Variants in ANKRD36B observed in about 807,000 individuals in gnomAD.
ANKRD36B encodes the protein ankyrin repeat domain 36B, also known as ankyrin repeat domain-containing protein 36B.
Under a neutral mutation model 135.7 loss-of-function variants are expected in ANKRD36B, and 37 were observed. The ratio of observed to expected loss-of-function variants is 0.27; its 90% confidence interval spans 0.21 to 0.36. The LOEUF (loss-of-function observed/expected upper bound fraction) is 0.36. ANKRD36B is among the 10% of genes least tolerant of loss of function. The probability of loss-of-function intolerance (pLI) is 1.00; values close to 1 mark genes in which losing one functional copy is unlikely to be tolerated. For missense variants in ANKRD36B, 549 were observed against 1,037.1 expected, an observed-to-expected ratio of 0.53 and a Z score of 6.46; for synonymous variants, 179 against 348.1, an observed-to-expected ratio of 0.51 and a Z score of 5.41.
At chr2:97,572,428 T>C (rs1297446351) in intron 6 of ANKRD36B, among the ~76,000 whole-genome samples, 4 of 98,236 alleles carry the variant, frequency 4.1e-5, no homozygotes, top group African/African-American at 1.2e-4. Context: ...ACTATGTCGT[T>C]TGAAAATTTA....
Position 97,589,646 on chromosome 2 carries a change from A to G in ANKRD36B, c.40T>C (p.Tyr14His). ...LCSDGFAFPH[Y>H]YIKPYHLKRI... Reference sequence around the variant, plus strand: ...TTCAGATGATACGGTTTAATGTAGTAATGGGGAAATGCGAAGCCATCCGAG... The same window carrying G: ...TTCAGATGATACGGTTTAATGTAGTGATGGGGAAATGCGAAGCCATCCGAG... The change falls in exon 1 of 44, where the codon TAC becomes CAC. Residue 14 changes from tyrosine (Y) to histidine (H), a missense_variant. Coordinates refer to ENST00000359901, the MANE Select transcript of ANKRD36B (RefSeq NM_001393939.1). The G allele has an allele frequency of 6.2e-7, 1 of 1,614,184 alleles. No homozygotes were observed. The highest frequency in any genetic ancestry group is 8.5e-7 in the Non-Finnish European group (1 of 1,180,034).
At position 97,544,900 on chromosome 2, in the gene ANKRD36B, G is replaced by A. The variant is rs539722109; in HGVS notation, c.1681+766C>T. 4.2e-5 allele frequency among the ~76,000 whole-genome samples: 4 copies of A among 95,612 alleles called. No individual in the cohort carries two copies. In the South Asian group the frequency reaches 9.5e-4, roughly 23 times the overall value. 62.7% of individuals were successfully genotyped at this position (95,612 alleles called of 152,430 possible). On this transcript the variant is annotated intron_variant, in intron 24 of 43. Transcript: ENST00000359901. Reference sequence around the variant, plus strand: ...CAATAGCTATTTTATCCAAGACTTAGCTCCTTGAACTTTGAAGCCAATGTA... The same window carrying A: ...CAATAGCTATTTTATCCAAGACTTAACTCCTTGAACTTTGAAGCCAATGTA...
rs181561191 is a variant in ANKRD36B at position 97,557,235 on chromosome 2, T to C, written c.968-103A>G. 266 of 1,462,100 alleles carry C rather than the reference T, an allele frequency of 1.8e-4. 1 individual carries two copies. The African/African-American group carries it at 3.5e-3, about 19-fold the overall frequency. 90.6% of individuals were successfully genotyped at this position (1,462,100 alleles called of 1,614,324 possible). ...TCAAGCTGTATCCTCCCGCCTGCAC[T>C]AGTGTAGGATTTGATGTTTTACAGT... On this transcript the variant is annotated intron_variant, in intron 10 of 43. Transcript: ENST00000359901.
chr2:97,531,528 C>T (rs567102009), intron 35 of ANKRD36B, among the ~76,000 whole-genome samples: 1 of 91,910 alleles, frequency 1.1e-5, no homozygotes, highest in African/African-American at 3.3e-5. Context: ...GCACATTGTG[C>T]ACATGTTCCC....
chr2:97,570,706 C>A (rs1346624173), intron 6 of ANKRD36B, among the ~76,000 whole-genome samples: 2 of 152,192 alleles, frequency 1.3e-5, no homozygotes, highest in East Asian at 3.9e-4. Context: ...TTGTGCTTGG[C>A]TTCCCCAAGA....
At position 97,531,723 on chromosome 2, in the gene ANKRD36B, A is replaced by G. The variant is rs1402342364; in HGVS notation, c.2265+588T>C. Among the ~76,000 whole-genome samples the G allele has an allele frequency of 4.2e-5, 4 of 96,288 alleles. 2 individuals are homozygous for G. The highest frequency in any genetic ancestry group is 3.7e-4 in the Admixed American group (4 of 10,834). 63.2% of individuals were successfully genotyped at this position (96,288 alleles called of 152,430 possible). ...TTAACAATATTTAGAGATTTTCTAT[A>G]TTGAAATTCATTAGGCAGTTATTGT... On this transcript the variant is annotated intron_variant, in intron 35 of 43. Transcript: ENST00000359901.
At chr2:97,547,035 AT>A (rs1466357705) in intron 22 of ANKRD36B, among the ~76,000 whole-genome samples, 2 of 151,672 alleles carry the variant, frequency 1.3e-5, no homozygotes, top group African/African-American at 4.8e-5. Flanking sequence ...AAACCAGAAA[AT>A]TATATAAAAG....
chr2:97,531,678 T>C (rs900086905), intron 35 of ANKRD36B, among the ~76,000 whole-genome samples: 2 of 96,530 alleles, frequency 2.1e-5, no homozygotes, highest in African/African-American at 6.2e-5. Context: ...GGTCTACTAA[T>C]GACAGTGGAT....
chr2:97,555,453 T>G (rs1450187975), intron 12 of ANKRD36B, among the ~76,000 whole-genome samples, 199 bp from the exon 13 acceptor site: 1 of 151,878 alleles, frequency 6.6e-6, no homozygotes, highest in African/African-American at 2.4e-5. Context: ...ACCCTTACAA[T>G]GTCAATCATG....
chr2:97,553,030 T>C, intron 16 of ANKRD36B, 138 bp downstream of exon 16: 3 of 1,039,076 alleles, frequency 2.9e-6, no homozygotes, highest in Non-Finnish European at 4.2e-6. Context: ...TTATTACAAA[T>C]GAAGACTCTC....
rs1467589897 is a variant in ANKRD36B at position 97,528,465 on chromosome 2, T to C, written c.2265+3846A>G. On this transcript the variant is annotated intron_variant, in intron 35 of 43. Transcript: ENST00000359901. The stretch of plus-strand genomic sequence containing the variant: ...AAGAGAAAGCAGGAAAGATCCAAAA[T>C]TGACACCCTAACATCACAATTAAAA... Among the ~76,000 whole-genome samples the C allele has an allele frequency of 1.1e-4, 10 of 91,422 alleles. 2 individuals are homozygous for C. Among genetic ancestry groups the C allele is most frequent in the African/African-American group, 3.3e-4 (10 of 30,296 alleles). 60.0% of individuals were successfully genotyped at this position (91,422 alleles called of 152,430 possible). A position where few individuals can be genotyped will look rare whatever the true frequency, so the allele number is the denominator to read the frequency against.
In ANKRD36B at chr2:97,536,457, A is replaced by T. The variant is rs1459103947; in HGVS notation, c.2118+11T>A. ...GTTAATAATTAAAAATATAAATGTAAGAGTAATTACCTTCAAGGTGCGCAG... is the reference window on the plus strand; with the variant it reads ...GTTAATAATTAAAAATATAAATGTATGAGTAATTACCTTCAAGGTGCGCAG... On this transcript the variant is annotated intron_variant, in intron 33 of 43. Transcript: ENST00000359901. 6.7e-6 allele frequency: 6 copies of T among 896,752 alleles called. 1 individual carries two copies. Among genetic ancestry groups the T allele is most frequent in the African/African-American group, 1.7e-5 (1 of 58,034 alleles). 55.5% of individuals were successfully genotyped at this position (896,752 alleles called of 1,614,324 possible).
chr2:97,558,326 T>G (rs2080716034), intron 10 of ANKRD36B, among the ~76,000 whole-genome samples: 1 of 152,056 alleles, frequency 6.6e-6, no homozygotes, highest in Non-Finnish European at 1.5e-5. Context: ...AACTTCTTAT[T>G]TTCCCTCCTT....
rs2079831838 is a variant in ANKRD36B, at chr2:97,549,503, T to G, written c.1405-12A>C. 6.3e-7 allele frequency: 1 copy of G among 1,596,664 alleles called. No individual in the cohort carries two copies. The highest frequency in any genetic ancestry group is 8.5e-7 in the Non-Finnish European group (1 of 1,171,354). On this transcript the variant is annotated splice_polypyrimidine_tract_variant and intron_variant, in intron 19 of 43. Coordinates refer to ENST00000359901, the MANE Select transcript of ANKRD36B (RefSeq NM_001393939.1). ...TTGACACTTGTAGCCTGAATGGAAT[T>G]TGAAATGAAATAATAAATAAATAAA...
intron 1 of ANKRD36B, among the ~76,000 whole-genome samples, chr2:97,587,597 C>T (rs879242016): frequency 2.0e-5 from 3 of 152,304 alleles, no homozygotes; most frequent in Middle Eastern, 3.4e-3. Context: ...TCCAAATACA[C>T]TGCTATTTTA....
chr2:97,541,685 G>A lies in ANKRD36B; in HGVS notation c.1885+226C>T. The A allele has an allele frequency of 6.4e-6, 3 of 472,038 alleles. 1 individual carries two copies. The highest frequency in any genetic ancestry group is 4.7e-5 in the South Asian group (3 of 63,770). 29.2% of individuals were successfully genotyped at this position (472,038 alleles called of 1,614,324 possible). On this transcript the variant is annotated intron_variant, in intron 28 of 43. Transcript: ENST00000359901. ...TTATGTGCTAAACCACTCTCCTATG[G>A]TTATTCTTCCTAATTTCAATGTAGG...
rs771611152 is a variant in ANKRD36B at position 97,553,155 on chromosome 2, T to C, written c.1273+13A>G. 6.2e-7 allele frequency: 1 copy of C among 1,609,042 alleles called. No homozygotes were observed. The highest frequency in any genetic ancestry group is 2.2e-5 in the East Asian group (1 of 44,594). On this transcript the variant is annotated intron_variant, in intron 16 of 43. Coordinates refer to ENST00000359901, the MANE Select transcript of ANKRD36B (RefSeq NM_001393939.1). ...GGATTGAACATGACATTGAATGTGTTTTGCAAAATTACCTGTCCCAGATTT... is the reference window on the plus strand; with the variant it reads ...GGATTGAACATGACATTGAATGTGTCTTGCAAAATTACCTGTCCCAGATTT...
chr2:97,569,717 T>C (rs2081703013), intron 6 of ANKRD36B, among the ~76,000 whole-genome samples: 1 of 152,166 alleles, frequency 6.6e-6, no homozygotes. Context: ...TAAACTGCTC[T>C]TAAAATAAAG....
intron 20 of ANKRD36B, among the ~76,000 whole-genome samples, chr2:97,548,371 G>A (rs1212547024): frequency 2.0e-5 from 3 of 152,022 alleles, no homozygotes; most frequent in Admixed American, 2.0e-4. Flanking sequence ...CCTTCCAAAA[G>A]TTTCTTCATC....
Sources: gnomAD v4.1 joint callset for allele counts (sites outside exome capture counted in the v4.1 genomes callset) on GRCh38, gnomAD v4.1.1 for gene constraint, MANE v1.5 for transcripts, NCBI Gene and HGNC (gene_info 2026-07-23, HGNC 2026-07-21) for gene names.